ZNF362: variants seen among roughly 807,000 people sequenced by gnomAD.
ZNF362 encodes the protein zinc finger protein 362, also known as rotund homolog.
A neutral mutation model predicts 42.9 loss-of-function variants in ZNF362; 11 were observed. That is an observed-to-expected ratio of 0.26 (90% confidence interval 0.16 to 0.42). The LOEUF (loss-of-function observed/expected upper bound fraction) is 0.42. Ranked by LOEUF, ZNF362 falls within the 20% of genes least tolerant of loss-of-function variation. The pLI, the probability that ZNF362 is intolerant of heterozygous loss-of-function variation, is 1.00. For missense variants in ZNF362, 362 were observed against 576.2 expected (o/e 0.63, Z 3.81); for synonymous variants, 255 against 257.3 (o/e 0.99, Z 0.09).
At chr1:33,256,091 C>G (rs1645786712), upstream of ZNF362, among the ~76,000 whole-genome samples, 1 of 150,608 alleles carries the variant, frequency 6.6e-6, no homozygotes, top group African/African-American at 2.4e-5. Flanking sequence ...CTCAGGCGGG[C>G]GGAGGGGGGC....
At chr1:33,184,046 A>AAG in the ZNF362 span, among the ~76,000 whole-genome samples, 1 of 151,690 alleles carries the variant, frequency 6.6e-6, no homozygotes, top group Non-Finnish European at 1.5e-5. Context: ...GAAATGAAAA[A>AAG]AAAAAAGGCT....
chr1:33,191,993 C>G, the ZNF362 span, among the ~76,000 whole-genome samples: 2 of 152,214 alleles, frequency 1.3e-5, no homozygotes, highest in African/African-American at 4.8e-5. Context: ...CTATTATCCT[C>G]TAGCAAACGG....
chr1:33,274,847 C>T (rs1645930757), intron 2 of ZNF362: 6 of 732,950 alleles, frequency 8.2e-6, no homozygotes, highest in Non-Finnish European at 1.0e-5. Context: ...AGTTTCTTCA[C>T]TGATAAAATG....
intron 8 of ZNF362, among the ~76,000 whole-genome samples, chr1:33,297,124 G>A (rs1160926940): frequency 1.3e-5 from 2 of 152,140 alleles, no homozygotes; most frequent in Admixed American, 1.3e-4. Flanking sequence ...AAGGGCAGAG[G>A]AGGGTCAGGA....
At chr1:33,154,985 C>T in the ZNF362 span, among the ~76,000 whole-genome samples, 2 of 146,260 alleles carry the variant, frequency 1.4e-5, no homozygotes, top group African/African-American at 2.5e-5. Flanking sequence ...CCCAGCTACT[C>T]GGGAGGCTGA....
chr1:33,235,493 C>T, the ZNF362 span, among the ~76,000 whole-genome samples: 1 of 152,166 alleles, frequency 6.6e-6, no homozygotes, highest in Non-Finnish European at 1.5e-5. Context: ...GTGGCCTCCT[C>T]TCTCCACATC....
the ZNF362 span, chr1:33,146,098 C>T: frequency 4.1e-5 from 13 of 313,908 alleles, no homozygotes; most frequent in African/African-American, 2.2e-4. Context: ...CTGGTCACAA[C>T]AGACATGATG....
chr1:33,244,727 A>G, the ZNF362 span, among the ~76,000 whole-genome samples: 1 of 152,212 alleles, frequency 6.6e-6, no homozygotes, highest in Non-Finnish European at 1.5e-5. The surrounding 1 kb of genome is among the most constrained non-coding windows in gnomAD (Gnocchi z 4.0). Context: ...ACAACTTCGT[A>G]AAATGGAGAT....
chr1:33,141,108 G>A, the ZNF362 span, among the ~76,000 whole-genome samples: 1 of 152,042 alleles, frequency 6.6e-6, no homozygotes, highest in Non-Finnish European at 1.5e-5. Flanking sequence ...TGGGGCCCGT[G>A]ATGCTGACTG....
chr1:33,133,463 C>A, the ZNF362 span, among the ~76,000 whole-genome samples: 1,071 of 152,312 alleles, frequency 7.0e-3, 15 homozygotes, highest in African/African-American at 0.024. Context: ...CTTACCTGGG[C>A]CCCTCATGGG....
At chr1:33,277,565 CAG>C (rs1645960602) in intron 4 of ZNF362, among the ~76,000 whole-genome samples, 1 of 152,092 alleles carries the variant, frequency 6.6e-6, no homozygotes, top group African/African-American at 2.4e-5. Flanking sequence ...ACCCGGTTGT[CAG>C]GGGGTAAGCA....
the ZNF362 span, among the ~76,000 whole-genome samples, chr1:33,232,244 C>T: frequency 6.6e-6 from 1 of 152,072 alleles, no homozygotes; most frequent in African/African-American, 2.4e-5. Flanking sequence ...GATTTTCTTC[C>T]TTTAAAGATG....
intron 3 of ZNF362, 27 bp from the exon 4 acceptor site, chr1:33,276,320 TC>T (rs1190648159): frequency 6.5e-7 from 1 of 1,541,814 alleles, no homozygotes. Context: ...GGTCCAGACC[TC>T]CTCAGCCCGT....
intron 7 of ZNF362, 47 bp downstream of exon 7, chr1:33,295,062 C>G: frequency 1.2e-6 from 2 of 1,611,304 alleles, no homozygotes; most frequent in Non-Finnish European, 1.7e-6. Context: ...TGGTGCCCCC[C>G]CACCCACCCC....
At chr1:33,147,336 G>C in the ZNF362 span, 1 of 1,614,218 alleles carries the variant, frequency 6.2e-7, no homozygotes, top group African/African-American at 1.3e-5. This position sits in a 1 kb window ranked among gnomAD's most constrained non-coding sequence, Gnocchi z 8.1. Context: ...GCAAGCCTTG[G>C]TCATAGTCCA....
the ZNF362 span, among the ~76,000 whole-genome samples, chr1:33,238,174 C>A: frequency 6.6e-6 from 1 of 151,620 alleles, no homozygotes; most frequent in Non-Finnish European, 1.5e-5. Context: ...AAAAAATTAG[C>A]CAGGCGTGGT....
At chr1:33,143,206 A>C in the ZNF362 span, 1 of 152,204 alleles carries the variant, frequency 6.6e-6, no homozygotes, top group Admixed American at 6.5e-5. Flanking sequence ...CCCCATTTCC[A>C]GGAGTCCCCA....
chr1:33,241,624 T>A, the ZNF362 span, among the ~76,000 whole-genome samples: 2 of 151,946 alleles, frequency 1.3e-5, no homozygotes, highest in African/African-American at 4.8e-5. Context: ...CATGGAAAAG[T>A]CCACTAACTA....
chr1:33,196,713 T>G, the ZNF362 span, among the ~76,000 whole-genome samples: 2 of 152,246 alleles, frequency 1.3e-5, no homozygotes, highest in Non-Finnish European at 2.9e-5. Context: ...TTATTATAAT[T>G]ATCAAGTATT....
Sources: gnomAD v4.1 joint callset for allele counts (sites outside exome capture counted in the v4.1 genomes callset) on GRCh38, gnomAD v4.1.1 for gene constraint, Gnocchi (gnomAD v3.1) non-coding constraint, MANE v1.5 for transcripts, NCBI Gene and HGNC (gene_info 2026-07-23, HGNC 2026-07-21) for gene names.